Variants in AHCYL2 observed in about 807,000 individuals in gnomAD.
AHCYL2 encodes adenosylhomocysteinase like 2, also known as S-adenosylhomocysteine hydrolase-like protein 2.
A neutral mutation model predicts 81.4 loss-of-function variants in AHCYL2; 28 were observed. That is an observed-to-expected ratio of 0.34 (90% CI 0.25 to 0.47). The LOEUF is 0.47. Among genes scored for constraint, AHCYL2 ranks in the 20% least tolerant of loss-of-function variants. The pLI, the probability that AHCYL2 is intolerant of heterozygous loss-of-function variation, is 1.00. For synonymous variants in AHCYL2, 272 were observed against 290.2 expected (o/e 0.94, Z 0.64); for missense variants, 551 against 785.1 (o/e 0.70, Z 3.56).
intron 11 of AHCYL2, among the ~76,000 whole-genome samples, chr7:129,412,528 C>T (rs906034121): frequency 6.6e-6 from 1 of 151,490 alleles, no homozygotes; most frequent in Non-Finnish European, 1.5e-5. Flanking sequence ...CAATCCACCC[C>T]CCTCAGCCTC....
chr7:129,291,385 T>C (rs770110949), intron 1 of AHCYL2, among the ~76,000 whole-genome samples: 1 of 152,202 alleles, frequency 6.6e-6, no homozygotes, highest in Non-Finnish European at 1.5e-5. Context: ...GATTAAGTAA[T>C]TGAAGCACAG....
intron 1 of AHCYL2, among the ~76,000 whole-genome samples, chr7:129,261,591 A>G (rs1323132588): frequency 6.6e-6 from 1 of 152,210 alleles, no homozygotes; most frequent in Non-Finnish European, 1.5e-5. Flanking sequence ...GGTGAACCCC[A>G]TTCTGACTCA....
At chr7:129,289,685 T>G (rs915048373) in intron 1 of AHCYL2, among the ~76,000 whole-genome samples, 1 of 152,214 alleles carries the variant, frequency 6.6e-6, no homozygotes, top group African/African-American at 2.4e-5. Flanking sequence ...TGGGGGTTTT[T>G]TTGGTATCAT....
chr7:129,413,601 G>A lies in AHCYL2; in HGVS notation c.1374G>A (p.Lys458=), dbSNP rs1215852388. 1.9e-6 allele frequency: 3 copies of A among 1,613,730 alleles called. No individual in the cohort carries two copies. Among genetic ancestry groups the A allele is most frequent in the African/African-American group, 2.7e-5 (2 of 74,904 alleles). ...VDIVITCTGN[K]NVVTREHLDR... Reference sequence around the variant, plus strand: ...CTCTCTTCTGTTTTTAAGGTAACAAGAATGTGGTAACCAGAGAGCACTTGG... The same window carrying A: ...CTCTCTTCTGTTTTTAAGGTAACAAAAATGTGGTAACCAGAGAGCACTTGG... Residue 458 remains lysine, a synonymous_variant, in exon 12 of 17, where the codon AAG becomes AAA. Coordinates refer to ENST00000325006, the MANE Select transcript of AHCYL2 (RefSeq NM_015328.4).
chr7:129,409,788 C>T (rs545644084), intron 11 of AHCYL2, among the ~76,000 whole-genome samples: 1 of 152,248 alleles, frequency 6.6e-6, no homozygotes, highest in East Asian at 1.9e-4. Context: ...GTTATATCTC[C>T]ATTCATCCTA....
chr7:129,425,964 C>T (rs1476028966), intron 15 of AHCYL2, among the ~76,000 whole-genome samples: 1 of 152,116 alleles, frequency 6.6e-6, no homozygotes, highest in African/African-American at 2.4e-5. Flanking sequence ...TGAACAGAAA[C>T]CCATAAGAAT....
chr7:129,404,134 T>C (rs1278783563), intron 7 of AHCYL2, among the ~76,000 whole-genome samples: 5 of 152,034 alleles, frequency 3.3e-5, no homozygotes, highest in Admixed American at 3.3e-4. Context: ...TCAACAAATA[T>C]TTATTGAACT....
intron 1 of AHCYL2, among the ~76,000 whole-genome samples, chr7:129,264,850 A>G (rs1795762764): frequency 6.6e-6 from 1 of 152,236 alleles, no homozygotes; most frequent in South Asian, 2.1e-4. Flanking sequence ...GCTAGGCAAT[A>G]TGCATTGGAA....
chr7:129,233,732 T>C (rs1042158806), intron 1 of AHCYL2, among the ~76,000 whole-genome samples: 4 of 152,014 alleles, frequency 2.6e-5, no homozygotes, highest in African/African-American at 9.7e-5. Context: ...TGATCCGCCC[T>C]CCTCAGCCTC....
chr7:129,228,961 G>A (rs1794321815), intron 1 of AHCYL2, among the ~76,000 whole-genome samples: 1 of 152,204 alleles, frequency 6.6e-6, no homozygotes, highest in African/African-American at 2.4e-5. Context: ...GAATGTGGTA[G>A]CAGTATGACT....
chr7:129,227,164 T>G (rs1794254557), intron 1 of AHCYL2, among the ~76,000 whole-genome samples: 1 of 152,134 alleles, frequency 6.6e-6, no homozygotes, highest in Non-Finnish European at 1.5e-5. Context: ...TTAGAAATAT[T>G]TGTAAAAGGT....
intron 1 of AHCYL2, among the ~76,000 whole-genome samples, chr7:129,299,280 CA>C (rs34402215): frequency 1.8e-4 from 21 of 119,156 alleles, no homozygotes; most frequent in African/African-American, 3.2e-4. Flanking sequence ...CCTCCTCTAC[CA>C]AAAAAAAAAA....
chr7:129,277,102 GA>G (rs1411410590), intron 1 of AHCYL2, among the ~76,000 whole-genome samples: 1 of 152,034 alleles, frequency 6.6e-6, no homozygotes, highest in African/African-American at 2.4e-5. Flanking sequence ...CTACCTAATT[GA>G]AAAGAGGCAC....
In AHCYL2 at chr7:129,405,733, GAAAA is replaced by G. The variant is rs890868415; in HGVS notation, c.1143-101_1143-98del. The stretch of plus-strand genomic sequence containing the variant: ...AAGAAACCAGACTTTCTTTCAAAAT[GAAAA>G]ACCAACCAAAAAACCCCATGAAAAC... On this transcript the variant is annotated intron_variant, in intron 8 of 16. Transcript: ENST00000325006. 84 of 1,116,612 alleles carry G rather than the reference GAAAA, an allele frequency of 7.5e-5. No individual in the cohort carries two copies. In the Middle Eastern group the frequency reaches 2.0e-3, roughly 26 times the overall value. The allele number at this position is 1,116,612 out of a possible 1,614,324, so 69.2% of individuals were successfully genotyped here.
chr7:129,345,706 A>C (rs537624034), intron 1 of AHCYL2, among the ~76,000 whole-genome samples: 2 of 152,184 alleles, frequency 1.3e-5, no homozygotes, highest in African/African-American at 4.8e-5. Flanking sequence ...GAAAGAGTTC[A>C]TGAATAGGAA....
chr7:129,413,242 T>G (rs886308089), intron 11 of AHCYL2, among the ~76,000 whole-genome samples: 2 of 146,030 alleles, frequency 1.4e-5, no homozygotes, highest in African/African-American at 5.1e-5. Flanking sequence ...CCCGGGTTCA[T>G]GCCATTCTCC....
At chr7:129,355,402 A>C (rs1314201775) in intron 1 of AHCYL2, among the ~76,000 whole-genome samples, 1 of 152,180 alleles carries the variant, frequency 6.6e-6, no homozygotes, top group Admixed American at 6.5e-5. Context: ...TAATGTACCA[A>C]AATACATTAA....
At chr7:129,258,245 TG>T (rs1439547063) in intron 1 of AHCYL2, among the ~76,000 whole-genome samples, 14 of 144,038 alleles carry the variant, frequency 9.7e-5, no homozygotes, top group African/African-American at 3.3e-4. Flanking sequence ...TTTTTTTTTT[TG>T]CCTTTAAAAG....
At chr7:129,252,196 A>C (rs1795269905) in intron 1 of AHCYL2, among the ~76,000 whole-genome samples, 1 of 152,066 alleles carries the variant, frequency 6.6e-6, no homozygotes, top group Non-Finnish European at 1.5e-5. Context: ...TTCAGTATTA[A>C]TTTTTCAGTT....
Sources: gnomAD v4.1 joint callset for allele counts (sites outside exome capture counted in the v4.1 genomes callset) on GRCh38, gnomAD v4.1.1 for gene constraint, MANE v1.5 for transcripts, NCBI Gene and HGNC (gene_info 2026-07-23, HGNC 2026-07-21) for gene names.